Variants in TACC2 observed in about 807,000 individuals in gnomAD.
TACC2 encodes transforming acidic coiled-coil containing protein 2.
TACC2 carries 137 observed loss-of-function variants against 227.3 expected under a neutral mutation model. The observed-to-expected ratio is 0.60, with a 90% CI of 0.52 to 0.69. The LOEUF (loss-of-function observed/expected upper bound fraction) is 0.69. TACC2 is among the 30% of genes least tolerant of loss of function. The pLI is 0.00. For synonymous variants in TACC2, 1,523 were observed against 1,487.5 expected, an observed-to-expected ratio of 1.02 and a Z score of -0.55; for missense variants, 3,470 against 3,694.4, an observed-to-expected ratio of 0.94 and a Z score of 1.57.
chr10:122,150,368 T>C lies in TACC2; in HGVS notation c.5834+6662T>C, dbSNP rs539279509. On this transcript the variant is annotated intron_variant, in intron 7 of 22. Coordinates refer to ENST00000369005, the MANE Select transcript of TACC2 (RefSeq NM_206862.4). This position sits in a 1 kb window ranked among gnomAD's most constrained non-coding sequence, Gnocchi z 4.0. ...TGGTGGGTGGAAGGTTCCAGGGCAG[T>C]GTGGGGGCCCTTCTTGCCCTGAATA... 1.3e-5 allele frequency among the ~76,000 whole-genome samples: 2 copies of C among 152,302 alleles called. No homozygotes were observed. Among genetic ancestry groups the C allele is most frequent in the Non-Finnish European group, 2.9e-5 (2 of 68,022 alleles).
chr10:122,016,013 C>A (rs940834267), intron 1 of TACC2, among the ~76,000 whole-genome samples: 1 of 151,482 alleles, frequency 6.6e-6, no homozygotes, highest in Non-Finnish European at 1.5e-5. Flanking sequence ...GTAATCCTAG[C>A]ACTTTGGGAA....
chr10:122,104,779 T>C (rs543576490), intron 5 of TACC2, among the ~76,000 whole-genome samples: 2 of 152,234 alleles, frequency 1.3e-5, no homozygotes, highest in Non-Finnish European at 2.9e-5. Flanking sequence ...TGAAATACTC[T>C]AATCTGAGAA....
chr10:122,107,442 A>T (rs2082948531), intron 5 of TACC2, among the ~76,000 whole-genome samples: 1 of 152,020 alleles, frequency 6.6e-6, no homozygotes, highest in South Asian at 2.1e-4. Context: ...TACAAAAATT[A>T]GCCAGGTGTG....
chr10:122,048,300 C>T (rs1375167561), intron 2 of TACC2, among the ~76,000 whole-genome samples: 2 of 152,058 alleles, frequency 1.3e-5, no homozygotes, highest in Non-Finnish European at 2.9e-5. Context: ...CCTCTGTGTG[C>T]ACACCCCTGC....
chr10:122,117,733 A>G (rs1325534573), intron 5 of TACC2, among the ~76,000 whole-genome samples: 2 of 152,188 alleles, frequency 1.3e-5, no homozygotes, highest in Non-Finnish European at 2.9e-5. Flanking sequence ...CATCATTTAG[A>G]ATAGAAGGCT....
intron 3 of TACC2, among the ~76,000 whole-genome samples, chr10:122,073,535 T>C (rs2078393351): frequency 6.6e-6 from 1 of 152,228 alleles, no homozygotes; most frequent in Non-Finnish European, 1.5e-5. Flanking sequence ...CTTCTTTTAA[T>C]GTAAGGCTGT....
intron 7 of TACC2, among the ~76,000 whole-genome samples, chr10:122,179,173 C>G (rs2093868043): frequency 6.6e-6 from 1 of 152,130 alleles, no homozygotes; most frequent in Non-Finnish European, 1.5e-5. Flanking sequence ...TTGAGTAGTT[C>G]GTCAGCAAGA....
In TACC2 at chr10:122,087,947, T is replaced by TCC; in HGVS notation, c.5448_5449dup (p.His1817ProfsTer64). The TCC allele has an allele frequency of 6.6e-7, 1 of 1,508,298 alleles. No homozygotes were observed. The highest frequency in any genetic ancestry group is 8.9e-7 in the Non-Finnish European group (1 of 1,128,892). The allele number at this position is 1,508,298 out of a possible 1,614,324, so 93.4% of individuals were successfully genotyped here. A position where few individuals can be genotyped will look rare whatever the true frequency, so the allele number is the denominator to read the frequency against. On this transcript the variant is annotated frameshift_variant, in exon 4 of 23. Coordinates refer to ENST00000369005, the MANE Select transcript of TACC2 (RefSeq NM_206862.4). LOFTEE classifies it high-confidence loss of function. ...CTGCAACATTTGGCTCCAGAAGAGC[T>TCC]CCACACTGACAGGTACTTAAATGAA...
chr10:122,128,979 A>G (rs896298453), intron 5 of TACC2, among the ~76,000 whole-genome samples: 2 of 151,784 alleles, frequency 1.3e-5, no homozygotes, highest in East Asian at 1.9e-4. Flanking sequence ...AATGTGGATC[A>G]TGCTGCTAAG....
chr10:122,251,349 T>C (rs532841121), intron 22 of TACC2, among the ~76,000 whole-genome samples: 2 of 152,334 alleles, frequency 1.3e-5, no homozygotes, highest in Admixed American at 6.5e-5. Context: ...CTGATGATTG[T>C]TCTTAGCAGT....
chr10:122,048,652 C>T (rs942787690), intron 2 of TACC2, among the ~76,000 whole-genome samples: 26 of 152,130 alleles, frequency 1.7e-4, no homozygotes, highest in African/African-American at 5.8e-4. Flanking sequence ...GCCACCGCAC[C>T]CGGCTGGGGA....
At position 122,084,091 on chromosome 10, in the gene TACC2, C is replaced by T. The variant is rs765078280; in HGVS notation, c.1591C>T (p.Pro531Ser). The change falls in exon 4 of 23, where the codon CCA becomes TCA. Residue 531 changes from proline to serine, a missense_variant. Pro to Ser is a moderately conservative substitution (Grantham distance 74, BLOSUM62 -1). Around this residue, in one of 10 missense-constraint regions of TACC2, gnomAD observed 1,924 missense variants for 1,978.3 expected, o/e 0.97. Transcript: ENST00000369005. Reference sequence around the variant, plus strand: ...AAGCCATGAGGTCCAACCAGGAGCACCACCCCCTCCTCTTCCCAAGGCACC... The same window carrying T: ...AAGCCATGAGGTCCAACCAGGAGCATCACCCCCTCCTCTTCCCAAGGCACC... ...EQSHEVQPGA[P>S]PPPLPKAPSE... The T allele has an allele frequency of 6.2e-7, 1 of 1,614,024 alleles. No individual in the cohort carries two copies.
At chr10:122,214,356 T>TC (rs1204937192) in intron 9 of TACC2, among the ~76,000 whole-genome samples, 1 of 152,256 alleles carries the variant, frequency 6.6e-6, no homozygotes, top group Non-Finnish European at 1.5e-5. Context: ...TATTTTTTTT[T>TC]CATGATTAAA....
chr10:122,073,972 G>A (rs544423415), intron 3 of TACC2, among the ~76,000 whole-genome samples: 29 of 152,068 alleles, frequency 1.9e-4, no homozygotes, highest in African/African-American at 7.0e-4. Context: ...TATAGAGACA[G>A]GGTTTCACCA....
At chr10:122,029,546 G>T (rs543708894) in intron 2 of TACC2, among the ~76,000 whole-genome samples, 1 of 152,232 alleles carries the variant, frequency 6.6e-6, no homozygotes, top group East Asian at 1.9e-4. Flanking sequence ...TTTTCTAGAA[G>T]AGATTGTGTA....
intron 22 of TACC2, among the ~76,000 whole-genome samples, chr10:122,253,341 C>T (rs76809962): frequency 0.012 from 1,829 of 152,254 alleles, 32 homozygotes; most frequent in African/African-American, 0.041. Context: ...GGGATCGTCC[C>T]GTTGGATCCC....
intron 2 of TACC2, among the ~76,000 whole-genome samples, chr10:122,048,848 T>G (rs2075351867): frequency 6.6e-6 from 1 of 152,224 alleles, no homozygotes; most frequent in Admixed American, 6.5e-5. Flanking sequence ...TCTTCAAATG[T>G]GTGTTCCATG....
chr10:122,203,335 T>C (rs865846888), intron 8 of TACC2, among the ~76,000 whole-genome samples: 322 of 122,640 alleles, frequency 2.6e-3, no homozygotes, highest in African/African-American at 0.01. Context: ...CGCCCCTCAC[T>C]TCCCGGATGG....
At chr10:122,033,099 G>A (rs1043082105) in intron 2 of TACC2, 1 of 1,289,328 alleles carries the variant, frequency 7.8e-7, no homozygotes, top group Non-Finnish European at 1.0e-6. Flanking sequence ...TTCAGCAGGA[G>A]GACTCCGTCT....
Sources: allele counts gnomAD v4.1 joint callset (sites outside exome capture counted in the v4.1 genomes callset), GRCh38; gene constraint gnomAD v4.1.1; regional missense constraint gnomAD v4.1.1; non-coding constraint Gnocchi (gnomAD v3.1); transcripts MANE v1.5; gene names NCBI Gene and HGNC (gene_info 2026-07-23, HGNC 2026-07-21).